The following XPR1 variants were observed in gnomAD, a reference collection of about 807,000 sequenced individuals.
XPR1 encodes xenotropic and polytropic retrovirus receptor 1.
XPR1 carries 28 observed loss-of-function variants against 87.5 expected under a neutral mutation model. The observed-to-expected ratio is 0.32, with a 90% confidence interval of 0.24 to 0.44. The LOEUF (loss-of-function observed/expected upper bound fraction) is 0.44. Among genes scored for constraint, XPR1 ranks in the 20% least tolerant of loss-of-function variants. XPR1 has a pLI of 1.00. For missense variants in XPR1, 559 were observed against 862.3 expected (o/e 0.65, Z 4.41); for synonymous variants, 300 against 306.1 (o/e 0.98, Z 0.21).
chr1:180,691,986 T>G (rs1657008459), intron 2 of XPR1, among the ~76,000 whole-genome samples: 1 of 152,168 alleles, frequency 6.6e-6, no homozygotes, highest in African/African-American at 2.4e-5. Flanking sequence ...TTTCATGTTA[T>G]TTTAAATCTT....
Position 180,825,578 on chromosome 1 carries a change from T to C in XPR1, c.1134+234T>C, listed in dbSNP as rs10914112. On this transcript the variant is annotated intron_variant, in intron 9 of 14. Coordinates refer to ENST00000367590, the MANE Select transcript of XPR1 (RefSeq NM_004736.4). ...TAAATTATAAACATTTTTTACTTCG[T>C]TTAACTAGCTGTGATAAGATGTAGA... 0.49 allele frequency among the ~76,000 whole-genome samples: 73,939 copies of C among 151,956 alleles called. 18,885 individuals carry two copies. Among genetic ancestry groups the C allele is most frequent in the East Asian group, 0.83 (4,308 of 5,180 alleles).
In XPR1 at chr1:180,880,326, A is replaced by G. The variant is rs747725537; in HGVS notation, c.2030+29A>G. 5.0e-6 allele frequency: 8 copies of G among 1,612,296 alleles called. No homozygotes were observed. In the Admixed American group the frequency reaches 6.7e-5, roughly 13 times the overall value. On this transcript the variant is annotated intron_variant, in intron 14 of 14. Transcript: ENST00000367590. ...TGTATGGCTTCTACTTCTGTGAGGCATATTTCCTTTGAGTTTTAGCATTGG... is the reference window on the plus strand; with the variant it reads ...TGTATGGCTTCTACTTCTGTGAGGCGTATTTCCTTTGAGTTTTAGCATTGG...
chr1:180,767,199 A>G (rs1001869837), intron 2 of XPR1, among the ~76,000 whole-genome samples: 4 of 152,226 alleles, frequency 2.6e-5, no homozygotes, highest in Admixed American at 6.5e-5. Flanking sequence ...AAGTTTTTGT[A>G]GTAAACTTTC....
chr1:180,881,627 C>T (rs1652855786), intron 14 of XPR1, among the ~76,000 whole-genome samples: 1 of 152,144 alleles, frequency 6.6e-6, no homozygotes, highest in South Asian at 2.1e-4. Context: ...AGTGAAAATT[C>T]AGATCAGGAT....
intron 3 of XPR1, among the ~76,000 whole-genome samples, chr1:180,790,890 G>T (rs918853554): frequency 6.6e-6 from 1 of 151,924 alleles, no homozygotes; most frequent in Non-Finnish European, 1.5e-5. Flanking sequence ...TTTTCTGTAT[G>T]GGAAAAATAT....
intron 2 of XPR1, among the ~76,000 whole-genome samples, chr1:180,760,803 G>A (rs1044062215): frequency 6.6e-5 from 10 of 152,192 alleles, no homozygotes; most frequent in East Asian, 1.9e-4. Context: ...AGCCCGCATC[G>A]CCAAGTCAAT....
chr1:180,763,837 T>A (rs1234637193), intron 2 of XPR1, among the ~76,000 whole-genome samples: 1 of 152,202 alleles, frequency 6.6e-6, no homozygotes, highest in Admixed American at 6.5e-5. Flanking sequence ...GAGGACCCAC[T>A]TCCTGGTCCC....
intron 1 of XPR1, among the ~76,000 whole-genome samples, chr1:180,679,916 T>C (rs1432021504): frequency 1.3e-5 from 2 of 152,016 alleles, no homozygotes; most frequent in Non-Finnish European, 2.9e-5. Context: ...ACAAAGCTTC[T>C]GGACAGCAAA....
intron 11 of XPR1, among the ~76,000 whole-genome samples, chr1:180,839,609 G>A (rs192336113): frequency 6.6e-6 from 1 of 152,202 alleles, no homozygotes; most frequent in African/African-American, 2.4e-5. Context: ...AGTAATTGGG[G>A]CCTGCAAATG....
rs1557963839 is a variant in XPR1 at position 180,701,750 on chromosome 1, T to C, written c.121+19339T>C. On this transcript the variant is annotated intron_variant, in intron 2 of 14. Transcript: ENST00000367590. ...GCCTCATAAAATGAGTTAGGGAGGA[T>C]TCCCTCTTTTTCTATCGATTGGAAT... 1.4e-5 allele frequency among the ~76,000 whole-genome samples: 2 copies of C among 141,060 alleles called. 1 individual carries two copies. The highest frequency in any genetic ancestry group is 3.0e-5 in the Non-Finnish European group (2 of 66,196). 92.5% of individuals were successfully genotyped at this position (141,060 alleles called of 152,430 possible). A position where few individuals can be genotyped will look rare whatever the true frequency, so the allele number is the denominator to read the frequency against.
Position 180,803,378 on chromosome 1 carries a change from T to C in XPR1, c.224-10T>C, listed in dbSNP as rs1340983498. Reference sequence around the variant, plus strand: ...TTACTGATTTGACAGTTCCGTTCTATTTCTTATAGAGAAGCTCGCAGAGGC... The same window carrying C: ...TTACTGATTTGACAGTTCCGTTCTACTTCTTATAGAGAAGCTCGCAGAGGC... On this transcript the variant is annotated splice_polypyrimidine_tract_variant and intron_variant, in intron 3 of 14. Coordinates refer to ENST00000367590, the MANE Select transcript of XPR1 (RefSeq NM_004736.4). 8.7e-6 allele frequency: 14 copies of C among 1,612,288 alleles called. No individual in the cohort carries two copies. The highest frequency in any genetic ancestry group is 1.1e-5 in the Non-Finnish European group (13 of 1,179,284).
At chr1:180,856,506 G>C (rs940843008) in intron 11 of XPR1, among the ~76,000 whole-genome samples, 1 of 152,110 alleles carries the variant, frequency 6.6e-6, no homozygotes, top group Non-Finnish European at 1.5e-5. Context: ...GTTGTTTTCT[G>C]GGCTTCCTCC....
At chr1:180,787,903 G>A (rs1358839847) in intron 3 of XPR1, 49 bp downstream of exon 3, 1 of 1,340,832 alleles carries the variant, frequency 7.5e-7, no homozygotes, top group Non-Finnish European at 1.1e-6. Flanking sequence ...AGGATAAATT[G>A]TACCATATCA....
chr1:180,697,399 C>T (rs375288701), intron 2 of XPR1, among the ~76,000 whole-genome samples: 2 of 151,346 alleles, frequency 1.3e-5, no homozygotes, highest in African/African-American at 4.8e-5. Flanking sequence ...TTTATTTTTT[C>T]AAAAACTTTA....
At chr1:180,796,099 C>T (rs892447953) in intron 3 of XPR1, among the ~76,000 whole-genome samples, 2 of 152,098 alleles carry the variant, frequency 1.3e-5, no homozygotes, top group African/African-American at 4.8e-5. Flanking sequence ...TGAGCGACTG[C>T]GCCTGGCCTC....
intron 1 of XPR1, among the ~76,000 whole-genome samples, chr1:180,663,768 C>G (rs1655858763): frequency 6.6e-6 from 1 of 152,240 alleles, no homozygotes; most frequent in Non-Finnish European, 1.5e-5. Flanking sequence ...TCCAGAGATG[C>G]TCTCTGGGAG....
chr1:180,717,576 T>C (rs923987464), intron 2 of XPR1, among the ~76,000 whole-genome samples: 10 of 152,160 alleles, frequency 6.6e-5, no homozygotes, highest in African/African-American at 2.2e-4. Context: ...TCCCAGTCTA[T>C]ATCTCCTACA....
In XPR1 at chr1:180,878,548, C is replaced by A. The variant is rs116432408; in HGVS notation, c.1809-1528C>A. ...ACCTTTATTAAATCCTCACAACAAT[C>A]TTAGGAAGTAGGTGCTGTTATCATG... On this transcript the variant is annotated intron_variant, in intron 13 of 14. Coordinates refer to ENST00000367590, the MANE Select transcript of XPR1 (RefSeq NM_004736.4). Among the ~76,000 whole-genome samples the A allele has an allele frequency of 1.2e-3, 178 of 152,332 alleles. 1 individual carries two copies. The highest frequency in any genetic ancestry group is 6.8e-3 in the Middle Eastern group (2 of 294).
chr1:180,637,368 C>T (rs532592110), intron 1 of XPR1, among the ~76,000 whole-genome samples: 100 of 152,106 alleles, frequency 6.6e-4, no homozygotes, highest in African/African-American at 1.8e-3. Context: ...TAAAAAGACT[C>T]CTGTAAAGAT....
Sources: allele counts gnomAD v4.1 joint callset (sites outside exome capture counted in the v4.1 genomes callset), GRCh38; gene constraint gnomAD v4.1.1; transcripts MANE v1.5; gene names NCBI Gene and HGNC (gene_info 2026-07-23, HGNC 2026-07-21).